Variants in CCDC6 observed in about 807,000 individuals in gnomAD.
CCDC6 encodes the protein coiled-coil domain-containing protein 6.
A neutral mutation model predicts 56.6 loss-of-function variants in CCDC6; 20 were observed. The observed-to-expected ratio is 0.35, with a 90% CI of 0.25 to 0.51. The LOEUF (loss-of-function observed/expected upper bound fraction) is 0.51, where lower values mean the gene tolerates loss of function less well. Among genes scored for constraint, CCDC6 ranks in the 20% least tolerant of loss-of-function variants. The pLI is 0.95. For missense variants in CCDC6, 367 were observed against 601.1 expected, an observed-to-expected ratio of 0.61 and a Z score of 4.07; for synonymous variants, 241 against 234.4, an observed-to-expected ratio of 1.03 and a Z score of -0.26.
At position 59,906,368 on chromosome 10, in the gene CCDC6, G is replaced by T. The variant is rs1394741976; in HGVS notation, c.57C>A (p.Ser19Arg). The T allele has an allele frequency of 1.9e-6, 3 of 1,594,176 alleles. No individual in the cohort carries two copies. The highest frequency in any genetic ancestry group is 2.5e-6 in the Non-Finnish European group (3 of 1,177,774). Reference protein sequence around the residue: ...DTDGAGGNSSSSAAMQSSCSS... With the variant: ...DTDGAGGNSSRSAAMQSSCSS... ...AGCAGGACGACTGCATGGCGGCCGA[G>T]CTGCTGCTGTTGCCCCCCGCCCCGT... Residue 19 changes from serine to arginine, a missense_variant, in exon 1 of 9, where the codon AGC (serine) becomes AGA (arginine). Physicochemically the swap from Ser to Arg is moderately radical, Grantham distance 110. This residue lies in a region of CCDC6 where 79 missense variants were observed against 74.9 expected (regional missense o/e 1.05). Transcript: ENST00000263102.
Position 59,807,025 on chromosome 10 carries a change from T to C in CCDC6, c.901A>G (p.Asn301Asp), listed in dbSNP as rs1362668039. The C allele has an allele frequency of 6.2e-7, 1 of 1,613,944 alleles. No homozygotes were observed. The highest frequency in any genetic ancestry group is 1.3e-5 in the African/African-American group (1 of 74,916). ...LEEERHMREE[N>D]LRLQRKLQRE... Reference sequence around the variant, plus strand: ...TGCAGCTTCCTCTGGAGCCTCAAGTTCTCTTCTCTCATGTGACGTTCCTCC... The same window carrying C: ...TGCAGCTTCCTCTGGAGCCTCAAGTCCTCTTCTCTCATGTGACGTTCCTCC... The change falls in exon 6 of 9, where the codon AAC becomes GAC. Residue 301 changes from asparagine (N) to aspartate (D), a missense_variant. By Grantham distance (23) the Asn-to-Asp change is conservative. This residue lies in a region of CCDC6 where 81 missense variants were observed against 150.8 expected (regional missense o/e 0.54). Coordinates refer to ENST00000263102, the MANE Select transcript of CCDC6 (RefSeq NM_005436.5).
chr10:59,843,932 T>C (rs116562727), intron 2 of CCDC6, among the ~76,000 whole-genome samples: 29 of 152,190 alleles, frequency 1.9e-4, no homozygotes, highest in African/African-American at 6.8e-4. Flanking sequence ...CCCAGCTCCA[T>C]ACAACGACCA....
At chr10:59,857,679 T>C (rs1396356602) in intron 1 of CCDC6, among the ~76,000 whole-genome samples, 1 of 152,144 alleles carries the variant, frequency 6.6e-6, no homozygotes, top group Non-Finnish European at 1.5e-5. Context: ...GCACAGATTT[T>C]TTTTTTTTAA....
chr10:59,886,595 T>C (rs182409031), intron 1 of CCDC6, among the ~76,000 whole-genome samples: 20 of 152,288 alleles, frequency 1.3e-4, no homozygotes, highest in African/African-American at 4.8e-4. Flanking sequence ...GGTTTTACCA[T>C]AAAATGTTAG....
intron 1 of CCDC6, among the ~76,000 whole-genome samples, chr10:59,898,584 G>C (rs1047341948): frequency 6.6e-6 from 1 of 152,216 alleles, no homozygotes; most frequent in Non-Finnish European, 1.5e-5. Flanking sequence ...GGAGAGAAAG[G>C]CTGTTTCCCT....
intron 2 of CCDC6, among the ~76,000 whole-genome samples, chr10:59,844,964 C>T (rs10128140): frequency 0.084 from 12,733 of 152,192 alleles, 940 homozygotes; most frequent in African/African-American, 0.19. Flanking sequence ...GTGAGGACAG[C>T]AGCAGGATAT....
At chr10:59,872,123 A>G (rs1187917644) in intron 1 of CCDC6, among the ~76,000 whole-genome samples, 1 of 152,220 alleles carries the variant, frequency 6.6e-6, no homozygotes. Context: ...ACTAGATTTT[A>G]ACTATCTCTA....
chr10:59,894,291 G>T (rs2071445304), intron 1 of CCDC6, among the ~76,000 whole-genome samples: 1 of 152,210 alleles, frequency 6.6e-6, no homozygotes, highest in Admixed American at 6.5e-5. Flanking sequence ...GCTGGTCACT[G>T]CTCTCCTCCC....
intron 1 of CCDC6, among the ~76,000 whole-genome samples, chr10:59,892,632 T>C (rs1275192037): frequency 6.6e-6 from 1 of 151,632 alleles, no homozygotes; most frequent in African/African-American, 2.4e-5. Flanking sequence ...GGTGGGGAAG[T>C]ACTAATAATA....
chr10:59,876,091 T>TTC (rs1564754331), intron 1 of CCDC6, among the ~76,000 whole-genome samples: 1 of 146,196 alleles, frequency 6.8e-6, no homozygotes, highest in Non-Finnish European at 1.5e-5. Context: ...TTTTTTTTTT[T>TTC]CAGATCGAGT....
intron 2 of CCDC6, among the ~76,000 whole-genome samples, chr10:59,836,052 T>TAAAAAA (rs59353306): frequency 1.4e-4 from 8 of 57,586 alleles, no homozygotes; most frequent in African/African-American, 2.0e-4. Flanking sequence ...CGACCCTGTC[T>TAAAAAA]AAAAAAAAAA....
chr10:59,843,050 G>A (rs1180790515), intron 2 of CCDC6, among the ~76,000 whole-genome samples: 1 of 150,974 alleles, frequency 6.6e-6, no homozygotes, highest in Non-Finnish European at 1.5e-5. Context: ...ACCACACCCG[G>A]CCTTTTTTTG....
chr10:59,905,550 CCCTT>C (rs2071537078), intron 1 of CCDC6, among the ~76,000 whole-genome samples: 1 of 152,214 alleles, frequency 6.6e-6, no homozygotes, highest in African/African-American at 2.4e-5. Context: ...GCCGTACCCG[CCCTT>C]CCCTCTCGAT....
intron 8 of CCDC6, 136 bp from the exon 9 acceptor site, chr10:59,793,247 C>T: frequency 1.5e-6 from 1 of 672,480 alleles, no homozygotes; most frequent in South Asian, 1.9e-5. Context: ...CTTTCTTCAT[C>T]CCTACTGGTT....
intron 1 of CCDC6, among the ~76,000 whole-genome samples, chr10:59,861,393 T>A (rs2071126981): frequency 7.1e-6 from 1 of 141,782 alleles, no homozygotes; most frequent in Non-Finnish European, 1.5e-5. Flanking sequence ...TCTCTACTGG[T>A]CTTCTACACA....
At chr10:59,900,236 T>C (rs2071495465) in intron 1 of CCDC6, among the ~76,000 whole-genome samples, 1 of 151,894 alleles carries the variant, frequency 6.6e-6, no homozygotes, top group Non-Finnish European at 1.5e-5. Flanking sequence ...ACCACGGAAG[T>C]AGGTGCATAC....
chr10:59,877,470 G>A (rs951515894), intron 1 of CCDC6, among the ~76,000 whole-genome samples: 2 of 152,140 alleles, frequency 1.3e-5, no homozygotes, highest in Non-Finnish European at 2.9e-5. Flanking sequence ...CTTTGATTAC[G>A]ATACAGCTGG....
chr10:59,866,355 T>A (rs1294986756), intron 1 of CCDC6, among the ~76,000 whole-genome samples: 1 of 152,192 alleles, frequency 6.6e-6, no homozygotes, highest in East Asian at 1.9e-4. Flanking sequence ...GCTAAGCATT[T>A]TTATCTACTA....
chr10:59,895,850 T>C (rs10994064), intron 1 of CCDC6, among the ~76,000 whole-genome samples: 13,366 of 152,210 alleles, frequency 0.088, 730 homozygotes, highest in African/African-American at 0.14. Context: ...CTGAGCGCTT[T>C]AGGCCATGTG....
Sources: gnomAD v4.1 joint callset for allele counts (sites outside exome capture counted in the v4.1 genomes callset) on GRCh38, gnomAD v4.1.1 for gene constraint, gnomAD v4.1.1 regional missense constraint, MANE v1.5 for transcripts, NCBI Gene and HGNC (gene_info 2026-07-23, HGNC 2026-07-21) for gene names.